FAT1: variants seen among roughly 807,000 people sequenced by gnomAD.
FAT1 encodes the protein protocadherin Fat 1.
FAT1 carries 171 observed loss-of-function variants against 329.8 expected under a neutral mutation model. That is an observed-to-expected ratio of 0.52 (90% CI 0.46 to 0.59). The LOEUF (loss-of-function observed/expected upper bound fraction) is 0.59, where lower values mean the gene tolerates loss of function less well. Among genes scored for constraint, FAT1 ranks in the 20% least tolerant of loss-of-function variants. The pLI is 0.00. For synonymous variants in FAT1, 2,233 were observed against 2,228.6 expected, an observed-to-expected ratio of 1.00 and a Z score of -0.06; for missense variants, 5,672 against 5,774.4, an observed-to-expected ratio of 0.98 and a Z score of 0.57.
intron 2 of FAT1, among the ~76,000 whole-genome samples, chr4:186,685,034 A>G (rs528843229): frequency 2.9e-4 from 44 of 152,322 alleles, no homozygotes; most frequent in African/African-American, 7.9e-4. Flanking sequence ...AAGAAAGGTA[A>G]AGTATACAGC....
chr4:186,686,302 C>T (rs1327087598), intron 2 of FAT1, among the ~76,000 whole-genome samples: 2 of 145,492 alleles, frequency 1.4e-5, no homozygotes, highest in Non-Finnish European at 3.0e-5. Flanking sequence ...CCTCCACATT[C>T]ATCATTTTAT....
intron 1 of FAT1, among the ~76,000 whole-genome samples, chr4:186,723,425 G>T (rs919100572): frequency 6.6e-6 from 1 of 152,224 alleles, no homozygotes; most frequent in Non-Finnish European, 1.5e-5. Flanking sequence ...AATGGCCCCG[G>T]ATCGGTCCCG....
chr4:186,651,199 TAAC>T (rs1741640190), intron 3 of FAT1, among the ~76,000 whole-genome samples: 1 of 150,376 alleles, frequency 6.6e-6, no homozygotes, highest in Admixed American at 6.6e-5. Flanking sequence ...GCTACAGAAA[TAAC>T]AGACTGTAAC....
At chr4:186,669,333 C>T (rs1475734106) in intron 2 of FAT1, among the ~76,000 whole-genome samples, 1 of 152,158 alleles carries the variant, frequency 6.6e-6, no homozygotes, top group Non-Finnish European at 1.5e-5. Context: ...AGGAGGTTGC[C>T]GTGCACACGC....
In FAT1 at chr4:186,621,356, C is replaced by G. The variant is rs1433106991; in HGVS notation, c.5230G>C (p.Gly1744Arg). 5.0e-6 allele frequency: 8 copies of G among 1,613,976 alleles called. No individual in the cohort carries two copies. The highest frequency in any genetic ancestry group is 1.3e-5 in the African/African-American group (1 of 75,046). The stretch of plus-strand genomic sequence containing the variant: ...AGAACCGTTGTATTAGTGGACAAAC[C>G]AGCCATGTTAGTTCCTTGTATTATC... ...TLIIQGTNMA[G>R]LSTNTTVLVH... Residue 1744 changes from glycine (G) to arginine (R), a missense_variant, in exon 10 of 27, where the codon GGT (glycine) becomes CGT (arginine). Gly to Arg is a moderately radical substitution (Grantham distance 125). Transcript: ENST00000441802.
intron 2 of FAT1, among the ~76,000 whole-genome samples, chr4:186,666,854 C>T (rs777624991): frequency 1.3e-5 from 2 of 152,226 alleles, no homozygotes; most frequent in African/African-American, 2.4e-5. Context: ...AGAAATGAGG[C>T]ACTTTCCCAG....
chr4:186,633,549 A>G, intron 7 of FAT1, 135 bp downstream of exon 7: 1 of 782,920 alleles, frequency 1.3e-6, no homozygotes, highest in Non-Finnish European at 2.0e-6. Flanking sequence ...AAAAATTCTT[A>G]GTGTGCATGT....
chr4:186,600,119 G>A lies in FAT1; in HGVS notation c.11882C>T (p.Thr3961Ile), dbSNP rs764615369. The A allele has an allele frequency of 6.2e-7, 1 of 1,614,050 alleles. No individual in the cohort carries two copies. Residue 3961 changes from threonine to isoleucine, a missense_variant, in exon 22 of 27, where the codon ACA becomes ATA. Physicochemically the swap from Thr to Ile is moderately conservative, Grantham distance 89 (BLOSUM62 -1). This residue lies in a region of FAT1 where 1,706 missense variants were observed against 1,859.1 expected (regional missense o/e 0.92). Coordinates refer to ENST00000441802, the MANE Select transcript of FAT1 (RefSeq NM_005245.4). The part of the protein sequence containing the change: ...FFGGHIRQQG[T>I]RHGRSPQVGN... ...AACTTGAGGACTTCTTCCATGCCTT[G>A]TTCCCTGCTGACGGATGTGGCCACC...
intron 14 of FAT1, 115 bp from the exon 15 acceptor site, chr4:186,610,130 T>C (rs1165747246): frequency 2.1e-5 from 13 of 631,856 alleles, no homozygotes; most frequent in Non-Finnish European, 3.6e-5. Context: ...AAAAGTTTAC[T>C]TACCATTTAC....
Position 186,659,931 on chromosome 4 carries a change from C to T in FAT1, c.3580+3368G>A, listed in dbSNP as rs144056917. ...ACAAGCCGGCTGTGGCACCTGTCCC[C>T]TGAACGACGCTGGGCGCTCCTGCAC... On this transcript the variant is annotated intron_variant, in intron 3 of 26. Coordinates refer to ENST00000441802, the MANE Select transcript of FAT1 (RefSeq NM_005245.4). Among the ~76,000 whole-genome samples, 759 of 151,594 alleles carry T rather than the reference C, an allele frequency of 5.0e-3. 4 individuals are homozygous for T. The highest frequency in any genetic ancestry group is 7.5e-3 in the Non-Finnish European group (510 of 67,652).
At chr4:186,653,997 T>C (rs1487978661) in intron 3 of FAT1, among the ~76,000 whole-genome samples, 1 of 152,172 alleles carries the variant, frequency 6.6e-6, no homozygotes, top group Admixed American at 6.5e-5. Context: ...AACTATTATA[T>C]GAAACAGAGT....
intron 2 of FAT1, among the ~76,000 whole-genome samples, chr4:186,701,244 C>A (rs1744295662): frequency 6.6e-6 from 1 of 152,196 alleles, no homozygotes; most frequent in Non-Finnish European, 1.5e-5. Flanking sequence ...AAGGACCCTT[C>A]CCCTGGTAGA....
intron 4 of FAT1, among the ~76,000 whole-genome samples, chr4:186,637,616 C>T (rs775842799): frequency 3.9e-5 from 6 of 152,282 alleles, no homozygotes; most frequent in Non-Finnish European, 7.4e-5. Context: ...ATCAGAGAGT[C>T]TTGAGGACTG....
At chr4:186,652,505 A>G (rs1023064991) in intron 3 of FAT1, among the ~76,000 whole-genome samples, 14 of 152,228 alleles carry the variant, frequency 9.2e-5, no homozygotes, top group Admixed American at 6.5e-5. Flanking sequence ...ACTTCTTGCA[A>G]ACTTTAGGGA....
chr4:186,610,656 TATAAA>T (rs1315184830), intron 14 of FAT1, among the ~76,000 whole-genome samples: 9 of 86,148 alleles, frequency 1.0e-4, no homozygotes, highest in Admixed American at 1.4e-4. Flanking sequence ...TTTATATAAA[TATAAA>T]TTATATAATT....
At chr4:186,646,365 C>T (rs1045299309) in intron 3 of FAT1, among the ~76,000 whole-genome samples, 1 of 152,158 alleles carries the variant, frequency 6.6e-6, no homozygotes, top group Non-Finnish European at 1.5e-5. Context: ...TACAATAATT[C>T]ATGAACCACA....
chr4:186,707,604 T>C lies in FAT1; in HGVS notation c.2224A>G (p.Thr742Ala), dbSNP rs1488030876. The C allele has an allele frequency of 1.2e-6, 2 of 1,614,000 alleles. No individual in the cohort carries two copies. Among genetic ancestry groups the C allele is most frequent in the East Asian group, 2.2e-5 (1 of 44,886 alleles). The change falls in exon 2 of 27, where the codon ACT becomes GCT. Residue 742 changes from threonine to alanine, a missense_variant. Thr to Ala is a moderately conservative substitution (Grantham distance 58, BLOSUM62 0). Coordinates refer to ENST00000441802, the MANE Select transcript of FAT1 (RefSeq NM_005245.4). ...CCATTGAAGCCAGTGTCAAGGTCAG[T>C]GGAGTTCATGAAAATTACACTGGAA... The part of the protein sequence containing the change: ...VGSSVIFMNS[T>A]DLDTGFNGKL...
chr4:186,650,545 G>A (rs1245921552), intron 3 of FAT1, among the ~76,000 whole-genome samples: 1 of 152,082 alleles, frequency 6.6e-6, no homozygotes, highest in Non-Finnish European at 1.5e-5. Flanking sequence ...GGTACAATAA[G>A]TTAATCAAAA....
intron 2 of FAT1, among the ~76,000 whole-genome samples, chr4:186,670,109 T>G (rs946061425): frequency 2.0e-5 from 3 of 152,192 alleles, no homozygotes; most frequent in Non-Finnish European, 4.4e-5. Flanking sequence ...TCCTAGAATT[T>G]TCCTATTTTA....
Sources: gnomAD v4.1 joint callset for allele counts (sites outside exome capture counted in the v4.1 genomes callset) on GRCh38, gnomAD v4.1.1 for gene constraint, gnomAD v4.1.1 regional missense constraint, MANE v1.5 for transcripts, NCBI Gene and HGNC (gene_info 2026-07-23, HGNC 2026-07-21) for gene names.